MAGI2: variants seen among roughly 807,000 people sequenced by gnomAD.
The protein encoded by MAGI2 is membrane-associated guanylate kinase, WW and PDZ domain-containing protein 2.
In MAGI2, 35 loss-of-function variants were observed where a neutral mutation model predicts 133.3. The observed-to-expected ratio is 0.26, with a 90% CI of 0.20 to 0.35. MAGI2 has a LOEUF of 0.35. Among genes scored for constraint, MAGI2 ranks in the 10% least tolerant of loss-of-function variants. The pLI, the probability that MAGI2 is intolerant of heterozygous loss-of-function variation, is 1.00. For synonymous variants in MAGI2, 729 were observed against 710.6 expected, an observed-to-expected ratio of 1.03 and a Z score of -0.41; for missense variants, 1,636 against 1,863.4, an observed-to-expected ratio of 0.88 and a Z score of 2.25.
chr7:79,219,234 TA>T (rs1830256228), intron 1 of MAGI2, among the ~76,000 whole-genome samples: 1 of 152,018 alleles, frequency 6.6e-6, no homozygotes, highest in Non-Finnish European at 1.5e-5. Flanking sequence ...CAACGTTGTT[TA>T]CTCACAGATT....
intron 9 of MAGI2, among the ~76,000 whole-genome samples, chr7:78,342,358 G>A (rs993385462): frequency 1.3e-5 from 2 of 152,208 alleles, no homozygotes; most frequent in Non-Finnish European, 2.9e-5. Flanking sequence ...TACACTGTTG[G>A]TGGGAGTGTA....
chr7:79,141,201 C>G (rs770899289), intron 1 of MAGI2, among the ~76,000 whole-genome samples: 7 of 152,186 alleles, frequency 4.6e-5, no homozygotes, highest in Non-Finnish European at 8.8e-5. Context: ...TTTCTCAACT[C>G]CTTCCTTTTC....
chr7:78,151,800 T>C (rs532835248), intron 16 of MAGI2, among the ~76,000 whole-genome samples: 28 of 152,296 alleles, frequency 1.8e-4, no homozygotes, highest in African/African-American at 6.0e-4. Flanking sequence ...GTCAAAAATA[T>C]GTCACGCTAC....
intron 1 of MAGI2, among the ~76,000 whole-genome samples, chr7:79,416,796 G>C (rs2190180): frequency 6.9e-6 from 1 of 145,188 alleles, no homozygotes; most frequent in East Asian, 2.1e-4. Context: ...GTGCAGTGGC[G>C]CAATCTCAGC....
intron 3 of MAGI2, among the ~76,000 whole-genome samples, chr7:78,607,139 T>C (rs923543808): frequency 6.6e-6 from 1 of 152,220 alleles, no homozygotes; most frequent in African/African-American, 2.4e-5. Context: ...GCCAAACATC[T>C]TGACCTTTTC....
At chr7:78,511,674 T>C (rs989555475) in intron 4 of MAGI2, among the ~76,000 whole-genome samples, 8 of 150,558 alleles carry the variant, frequency 5.3e-5, no homozygotes, top group Admixed American at 6.6e-5. Flanking sequence ...AAGTTAGCAG[T>C]AATAATTATC....
intron 20 of MAGI2, among the ~76,000 whole-genome samples, chr7:78,120,777 G>A (rs11769710): frequency 0.12 from 17,646 of 151,414 alleles, 1,355 homozygotes; most frequent in Non-Finnish European, 0.18. Context: ...CGAGGCGGGC[G>A]GATCACGAGG....
intron 3 of MAGI2, among the ~76,000 whole-genome samples, chr7:78,589,120 A>T (rs887553870): frequency 6.6e-6 from 1 of 152,298 alleles, no homozygotes; most frequent in Non-Finnish European, 1.5e-5. Context: ...CTGTTTCCTG[A>T]TAATTTTACG....
chr7:78,665,767 T>C (rs1203468376), intron 2 of MAGI2, among the ~76,000 whole-genome samples: 1 of 152,194 alleles, frequency 6.6e-6, no homozygotes, highest in Non-Finnish European at 1.5e-5. Context: ...AATCATACTT[T>C]ATTGTGTTAA....
At chr7:78,560,815 G>A (rs1238283062) in intron 3 of MAGI2, among the ~76,000 whole-genome samples, 3 of 152,144 alleles carry the variant, frequency 2.0e-5, no homozygotes, top group East Asian at 3.9e-4. Context: ...GAGAGCATCA[G>A]GAATTGACAT....
At chr7:79,311,190 C>G (rs1164616203) in intron 1 of MAGI2, among the ~76,000 whole-genome samples, 1 of 152,076 alleles carries the variant, frequency 6.6e-6, no homozygotes, top group Non-Finnish European at 1.5e-5. Flanking sequence ...TTCTGAGTTC[C>G]CATCTCACAT....
chr7:78,835,460 A>G (rs1237074997), intron 2 of MAGI2, among the ~76,000 whole-genome samples: 1 of 152,202 alleles, frequency 6.6e-6, no homozygotes, highest in African/African-American at 2.4e-5. Flanking sequence ...TATATCCAAG[A>G]CCTTGAATCA....
intron 1 of MAGI2, among the ~76,000 whole-genome samples, chr7:79,171,770 A>ATATATATATATATATATATATATATT: frequency 6.4e-5 from 2 of 31,204 alleles, no homozygotes; most frequent in Non-Finnish European, 1.1e-4. Context: ...ATATATATAT[A>ATATATATATATATATATATATATATT]TTTTTTTTTT....
intron 16 of MAGI2, among the ~76,000 whole-genome samples, chr7:78,159,063 C>T (rs188765007): frequency 6.6e-6 from 1 of 152,238 alleles, no homozygotes; most frequent in East Asian, 1.9e-4. Context: ...TCCCCATTTC[C>T]CAAGCCCCTA....
At chr7:78,231,642 G>A (rs1789982919) in intron 10 of MAGI2, among the ~76,000 whole-genome samples, 2 of 152,028 alleles carry the variant, frequency 1.3e-5, no homozygotes, top group Admixed American at 6.5e-5. Context: ...TCTTCAAATA[G>A]CCTTCCTCAA....
chr7:78,691,728 A>G (rs1013765103), intron 2 of MAGI2, among the ~76,000 whole-genome samples: 1 of 152,204 alleles, frequency 6.6e-6, no homozygotes, highest in Non-Finnish European at 1.5e-5. Flanking sequence ...AAAAAAAATC[A>G]GCGGTTGCCA....
intron 1 of MAGI2, among the ~76,000 whole-genome samples, chr7:79,277,975 C>G (rs1036957049): frequency 6.6e-6 from 1 of 152,156 alleles, no homozygotes; most frequent in African/African-American, 2.4e-5. Context: ...CAACCTCCCC[C>G]TAACATCCTC....
chr7:78,707,459 A>G (rs1496768), intron 2 of MAGI2, among the ~76,000 whole-genome samples: 2,032 of 152,222 alleles, frequency 0.013, 42 homozygotes, highest in African/African-American at 0.047. Context: ...AAGTTGTGCC[A>G]GACACTACTT....
rs114374284 is a variant in MAGI2, at chr7:79,112,626, A to C, written c.302-105420T>G. Among the ~76,000 whole-genome samples the C allele has an allele frequency of 8.8e-3, 1,343 of 152,306 alleles. 28 individuals carry two copies. Among genetic ancestry groups the C allele is most frequent in the African/African-American group, 0.031 (1,289 of 41,570 alleles). The stretch of plus-strand genomic sequence containing the variant: ...ACTCTTCTTACCATCTATGTCACAC[A>C]ATTTGCCCATATTAAATTTGTGCTC... On this transcript the variant is annotated intron_variant, in intron 1 of 21. Coordinates refer to ENST00000354212, the MANE Select transcript of MAGI2 (RefSeq NM_012301.4).
Sources: allele counts gnomAD v4.1 joint callset (sites outside exome capture counted in the v4.1 genomes callset), GRCh38; gene constraint gnomAD v4.1.1; transcripts MANE v1.5; gene names NCBI Gene and HGNC (gene_info 2026-07-23, HGNC 2026-07-21).